SHANK2: variants seen among roughly 807,000 people sequenced by gnomAD.
SHANK2 encodes SH3 and multiple ankyrin repeat domains protein 2.
In SHANK2, 43 loss-of-function variants were observed where a neutral mutation model predicts 133.7. The observed-to-expected ratio is 0.32, with a 90% CI of 0.25 to 0.41. The LOEUF (loss-of-function observed/expected upper bound fraction) is 0.41. Among genes scored for constraint, SHANK2 ranks in the 10% least tolerant of loss-of-function variants. The pLI, the probability that SHANK2 is intolerant of heterozygous loss-of-function variation, is 1.00. For missense variants in SHANK2, 1,994 were observed against 2,235.8 expected, an observed-to-expected ratio of 0.89 and a Z score of 2.18; for synonymous variants, 1,017 against 952.8, an observed-to-expected ratio of 1.07 and a Z score of -1.24.
At chr11:70,663,955 GA>G (rs782462639) in intron 15 of SHANK2, among the ~76,000 whole-genome samples, 1 of 152,328 alleles carries the variant, frequency 6.6e-6, no homozygotes. Flanking sequence ...GGCCTCTTGG[GA>G]TCACCATGGG....
chr11:70,783,170 A>G (rs1408997299), intron 14 of SHANK2, among the ~76,000 whole-genome samples: 2 of 152,176 alleles, frequency 1.3e-5, no homozygotes, highest in African/African-American at 2.4e-5. Context: ...CTGACTGTCC[A>G]GCCTCCAGAA....
intron 17 of SHANK2, among the ~76,000 whole-genome samples, chr11:70,564,322 G>A (rs1210114403): frequency 6.6e-6 from 1 of 151,180 alleles, no homozygotes; most frequent in Non-Finnish European, 1.5e-5. Flanking sequence ...GCAGTGGTGC[G>A]ATCTCAGCTC....
At chr11:70,578,836 G>A (rs899855542) in intron 17 of SHANK2, among the ~76,000 whole-genome samples, 1 of 152,178 alleles carries the variant, frequency 6.6e-6, no homozygotes, top group East Asian at 1.9e-4. Context: ...TATTCATGAT[G>A]GTTTAGATGT....
intron 1 of SHANK2, among the ~76,000 whole-genome samples, chr11:71,241,797 CCTT>C (rs1287243904): frequency 1.3e-5 from 2 of 152,332 alleles, no homozygotes; most frequent in African/African-American, 4.8e-5. Context: ...GGTGGGGCCT[CCTT>C]CTGTGAGAAA....
chr11:70,490,937 T>G (rs2058878810), intron 22 of SHANK2, among the ~76,000 whole-genome samples: 1 of 152,186 alleles, frequency 6.6e-6, no homozygotes, highest in South Asian at 2.1e-4. Context: ...CCAGCTAGCT[T>G]AAGCAAGCCC....
rs528860809 is a variant in SHANK2 at position 70,769,366 on chromosome 11, G to C, written c.1777+29077C>G. On this transcript the variant is annotated intron_variant, in intron 14 of 25. Transcript: ENST00000601538. ...AATGATGCGGTCACCCTGGCACATA[G>C]ACTCCTTCTAGGAGGATCCAGGAGA... Among the ~76,000 whole-genome samples, 66 of 152,280 alleles carry C rather than the reference G, an allele frequency of 4.3e-4. 2 individuals are homozygous for C. The South Asian group carries it at 0.013, about 31-fold the overall frequency.
chr11:70,488,848 C>T (rs10128560), intron 24 of SHANK2, among the ~76,000 whole-genome samples: 2,103 of 152,276 alleles, frequency 0.014, 48 homozygotes, highest in African/African-American at 0.047. Flanking sequence ...TGAGGTCCTA[C>T]GACAGCCAGC....
intron 2 of SHANK2, among the ~76,000 whole-genome samples, chr11:71,163,687 C>T (rs1181369788): frequency 6.6e-6 from 1 of 152,172 alleles, no homozygotes; most frequent in African/African-American, 2.4e-5. Flanking sequence ...AGACGATTTT[C>T]AAAAGATAGT....
chr11:70,520,676 T>TA (rs1246590838), intron 17 of SHANK2, among the ~76,000 whole-genome samples: 3 of 152,206 alleles, frequency 2.0e-5, no homozygotes, highest in Admixed American at 6.5e-5. Context: ...GGTGGGGAGT[T>TA]ACACACCACC....
chr11:70,848,645 C>T (rs1245188741), intron 11 of SHANK2, among the ~76,000 whole-genome samples: 4 of 152,206 alleles, frequency 2.6e-5, no homozygotes, highest in African/African-American at 9.7e-5. Flanking sequence ...GATTTGACCA[C>T]AGACCTGTGC....
chr11:70,578,799 G>A (rs782089841), intron 17 of SHANK2, among the ~76,000 whole-genome samples: 2 of 152,208 alleles, frequency 1.3e-5, no homozygotes, highest in African/African-American at 2.4e-5. Flanking sequence ...AAAGGGGGAT[G>A]ATTGCTCTTT....
At chr11:70,870,640 G>A (rs1001819453) in intron 11 of SHANK2, among the ~76,000 whole-genome samples, 1 of 152,170 alleles carries the variant, frequency 6.6e-6, no homozygotes, top group Admixed American at 6.5e-5. Context: ...TTCCAGGCCT[G>A]TCTCTCCAGC....
rs140213037 is a variant in SHANK2, at chr11:70,709,715, G to A, written c.1778-10952C>T. ...TTGGGCCGATGGAGCGTGTGGCCGT[G>A]GCAGAGACAGCTGGCAAAGGTACGC... On this transcript the variant is annotated intron_variant, in intron 14 of 25. Transcript: ENST00000601538. Among the ~76,000 whole-genome samples, 15 of 152,276 alleles carry A rather than the reference G, an allele frequency of 9.9e-5. No individual in the cohort carries two copies. In the East Asian group the frequency reaches 1.2e-3, roughly 12 times the overall value.
chr11:70,722,445 C>A (rs1946092036), intron 14 of SHANK2, among the ~76,000 whole-genome samples: 1 of 152,198 alleles, frequency 6.6e-6, no homozygotes, highest in Non-Finnish European at 1.5e-5. Context: ...CCAGCCTTTC[C>A]AACAGTTTTG....
At chr11:70,780,756 T>C (rs925906534) in intron 14 of SHANK2, among the ~76,000 whole-genome samples, 2 of 152,034 alleles carry the variant, frequency 1.3e-5, no homozygotes, top group Non-Finnish European at 2.9e-5. Flanking sequence ...GTACTTTTAG[T>C]AGAGACGGGG....
intron 17 of SHANK2, among the ~76,000 whole-genome samples, chr11:70,575,868 G>C (rs970171052): frequency 6.6e-6 from 1 of 151,798 alleles, no homozygotes; most frequent in African/African-American, 2.4e-5. Flanking sequence ...GAGGTTCCTC[G>C]GAGCTAGGCT....
intron 14 of SHANK2, among the ~76,000 whole-genome samples, chr11:70,775,575 G>A (rs1227670841): frequency 1.3e-5 from 2 of 152,170 alleles, no homozygotes; most frequent in African/African-American, 4.8e-5. Flanking sequence ...TGCAGATGGT[G>A]CCCAATCCAC....
rs1565496420 is a variant in SHANK2 at position 71,175,590 on chromosome 11, GAGAGAGAGAGAGAC to G, written c.-12-28266_-12-28253del. ...AGAGAGAGAGAGAGAGAGAGAGAGA[GAGAGAGAGAGAGAC>G]AGAGACAGAGACATCGCTTCCAGCC... On this transcript the variant is annotated intron_variant, in intron 2 of 25. Transcript: ENST00000601538. This position sits in a 1 kb window ranked among gnomAD's most constrained non-coding sequence, Gnocchi z 4.2. Among the ~76,000 whole-genome samples the G allele has an allele frequency of 1.4e-4, 21 of 145,236 alleles. No individual in the cohort carries two copies. The highest frequency in any genetic ancestry group is 4.1e-4 in the African/African-American group (16 of 39,486).
At position 71,120,575 on chromosome 11, in the gene SHANK2, C is replaced by CTCCTGT. The variant is rs201110136; in HGVS notation, c.208-1549_208-1544dup. Among the ~76,000 whole-genome samples, 173 of 152,314 alleles carry CTCCTGT rather than the reference C, an allele frequency of 1.1e-3. 2 individuals carry two copies. In the East Asian group the frequency reaches 0.026, roughly 23 times the overall value. Reference sequence around the variant, plus strand: ...GGAAACCTGACCCTGTGCACAAAAGCTCCTGTTTCTCCCTTCCAATGTCAA... The same window carrying CTCCTGT: ...GGAAACCTGACCCTGTGCACAAAAGCTCCTGTTCCTGTTTCTCCCTTCCAATGTCAA... On this transcript the variant is annotated intron_variant, in intron 3 of 25. Coordinates refer to ENST00000601538, the MANE Select transcript of SHANK2 (RefSeq NM_012309.5).
Sources: allele counts gnomAD v4.1 joint callset (sites outside exome capture counted in the v4.1 genomes callset), GRCh38; gene constraint gnomAD v4.1.1; non-coding constraint Gnocchi (gnomAD v3.1); transcripts MANE v1.5; gene names NCBI Gene and HGNC (gene_info 2026-07-23, HGNC 2026-07-21).